The following SH3BP5 variants were observed in gnomAD, a reference collection of about 807,000 sequenced individuals.
The protein encoded by SH3BP5 is SH3 domain binding protein 5.
A neutral mutation model predicts 43.3 loss-of-function variants in SH3BP5; 22 were observed. That is an observed-to-expected ratio of 0.51 (90% CI 0.36 to 0.73). The LOEUF (loss-of-function observed/expected upper bound fraction) is 0.73, where lower values mean the gene tolerates loss of function less well. Ranked by LOEUF, SH3BP5 falls within the 30% of genes least tolerant of loss-of-function variation. The probability of loss-of-function intolerance (pLI) is 0.00; values close to 1 mark genes in which losing one functional copy is unlikely to be tolerated. For synonymous variants in SH3BP5, 255 were observed against 225.8 expected (o/e 1.13, Z -1.16); for missense variants, 529 against 586.9 (o/e 0.90, Z 1.02).
intron 8 of SH3BP5, 113 bp from the exon 9 acceptor site, chr3:15,256,416 C>T (rs933139280): frequency 3.2e-5 from 37 of 1,165,610 alleles, no homozygotes; most frequent in Non-Finnish European, 4.4e-5. Flanking sequence ...CACTTGAGCT[C>T]AAACCAGTCA....
At chr3:15,317,899 TCCC>T (rs1444370131) in intron 2 of SH3BP5, among the ~76,000 whole-genome samples, 1 of 152,176 alleles carries the variant, frequency 6.6e-6, no homozygotes, top group Non-Finnish European at 1.5e-5. Flanking sequence ...GAAAACCTGG[TCCC>T]CCAAGTCCTA....
chr3:15,269,226 C>T (rs976317918), intron 4 of SH3BP5, among the ~76,000 whole-genome samples: 13 of 152,120 alleles, frequency 8.5e-5, no homozygotes, highest in African/African-American at 2.9e-4. Context: ...CCCTGAATCC[C>T]AGCCCAGAAG....
At chr3:15,292,422 G>A (rs77033799) in intron 3 of SH3BP5, among the ~76,000 whole-genome samples, 3,725 of 152,270 alleles carry the variant, frequency 0.024, 124 homozygotes, top group African/African-American at 0.077. Flanking sequence ...CAACTAACAA[G>A]GTGATGGAGG....
intron 2 of SH3BP5, among the ~76,000 whole-genome samples, chr3:15,306,675 TTA>T: frequency 1.3e-5 from 2 of 151,968 alleles, no homozygotes; most frequent in Admixed American, 1.3e-4. Flanking sequence ...CAGAAAAATT[TTA>T]TGTTATTTTG....
In SH3BP5 at chr3:15,259,774, T is replaced by G; in HGVS notation, c.656A>C (p.Tyr219Ser). ...KPYFELKAKY[Y>S]VQLEQLKKTV... ...AGCTACACATACCTCGAGCTGCACATAGTACTTTGCCTTGAGTTCAAAATA... is the reference window on the plus strand; with the variant it reads ...AGCTACACATACCTCGAGCTGCACAGAGTACTTTGCCTTGAGTTCAAAATA... Residue 219 changes from tyrosine to serine, a missense_variant, in exon 6 of 9, where the codon TAT becomes TCT. This residue lies in a region of SH3BP5 where 369 missense variants were observed against 384.3 expected (regional missense o/e 0.96). Coordinates refer to ENST00000383791, the MANE Select transcript of SH3BP5 (RefSeq NM_004844.5). The G allele has an allele frequency of 6.2e-7, 1 of 1,614,076 alleles. No homozygotes were observed.
chr3:15,260,965 G>T (rs558033677), intron 5 of SH3BP5, among the ~76,000 whole-genome samples: 1 of 152,140 alleles, frequency 6.6e-6, no homozygotes, highest in Non-Finnish European at 1.5e-5. Context: ...GTGTGAATTC[G>T]GGGTCTTTTG....
intron 3 of SH3BP5, among the ~76,000 whole-genome samples, chr3:15,302,248 G>T (rs1431642754): frequency 6.6e-6 from 1 of 152,134 alleles, no homozygotes; most frequent in East Asian, 1.9e-4. Flanking sequence ...AATGCCTCAG[G>T]GTGCTGGAAT....
intron 3 of SH3BP5, among the ~76,000 whole-genome samples, chr3:15,281,015 C>T (rs1697113903): frequency 6.6e-6 from 1 of 152,156 alleles, no homozygotes; most frequent in African/African-American, 2.4e-5. Context: ...ATATTGCACG[C>T]CGGGAAAGTC....
chr3:15,297,615 G>T (rs760697202), intron 3 of SH3BP5, among the ~76,000 whole-genome samples: 1 of 152,072 alleles, frequency 6.6e-6, no homozygotes, highest in Non-Finnish European at 1.5e-5. Context: ...ACTTTAGCCC[G>T]TAAGATGTTA....
chr3:15,331,961 GC>G (rs915949237), intron 1 of SH3BP5: 45 of 302,432 alleles, frequency 1.5e-4, no homozygotes, highest in African/African-American at 9.5e-4. Flanking sequence ...ATACCATGGC[GC>G]CCCCGCCCCC....
chr3:15,266,158 T>C (rs918903796), intron 4 of SH3BP5, among the ~76,000 whole-genome samples: 1 of 152,266 alleles, frequency 6.6e-6, no homozygotes, highest in Admixed American at 6.5e-5. Context: ...TCTCACTGTC[T>C]GCTGAGAACC....
At chr3:15,282,625 TA>T (rs1697161434) in intron 3 of SH3BP5, among the ~76,000 whole-genome samples, 1 of 151,360 alleles carries the variant, frequency 6.6e-6, no homozygotes, top group Non-Finnish European at 1.5e-5. Context: ...CCAATCACAA[TA>T]AAACTTTTTT....
chr3:15,332,664 G>A (rs1334458691), upstream of SH3BP5: 3 of 1,145,112 alleles, frequency 2.6e-6, no homozygotes, highest in East Asian at 4.3e-5. Context: ...CCCCGGCCTC[G>A]CGTTCCGCCG....
chr3:15,265,287 G>A (rs1010145175), intron 4 of SH3BP5, among the ~76,000 whole-genome samples: 4 of 152,128 alleles, frequency 2.6e-5, no homozygotes, highest in Admixed American at 6.5e-5. Context: ...AGGCCAAGGC[G>A]GGCAGATCAC....
chr3:15,261,331 T>TG (rs1315992046), intron 5 of SH3BP5, among the ~76,000 whole-genome samples: 2 of 152,136 alleles, frequency 1.3e-5, no homozygotes, highest in Non-Finnish European at 2.9e-5. Flanking sequence ...GTGAAGGTAC[T>TG]GGGGGGTAGT....
At chr3:15,292,865 G>A (rs1697452441) in intron 3 of SH3BP5, among the ~76,000 whole-genome samples, 1 of 152,058 alleles carries the variant, frequency 6.6e-6, no homozygotes, top group African/African-American at 2.4e-5. Flanking sequence ...AAAAAGAAAA[G>A]AAAACCTCAA....
chr3:15,269,427 A>T (rs905971712), intron 4 of SH3BP5, among the ~76,000 whole-genome samples: 1 of 152,150 alleles, frequency 6.6e-6, no homozygotes, highest in South Asian at 2.1e-4. Context: ...TCCCTCTGGA[A>T]GCCTGAGTCC....
intron 2 of SH3BP5, among the ~76,000 whole-genome samples, chr3:15,326,241 C>T (rs770914801): frequency 6.6e-6 from 1 of 152,138 alleles, no homozygotes; most frequent in Non-Finnish European, 1.5e-5. Context: ...AGACAGACAT[C>T]CAAGTGACAC....
chr3:15,310,872 T>G (rs979594703), intron 2 of SH3BP5, among the ~76,000 whole-genome samples: 1 of 152,138 alleles, frequency 6.6e-6, no homozygotes, highest in Non-Finnish European at 1.5e-5. Context: ...ACAAACAGCC[T>G]TGTGTCAGAT....
Sources: allele counts gnomAD v4.1 joint callset (sites outside exome capture counted in the v4.1 genomes callset), GRCh38; gene constraint gnomAD v4.1.1; regional missense constraint gnomAD v4.1.1; transcripts MANE v1.5; gene names NCBI Gene and HGNC (gene_info 2026-07-23, HGNC 2026-07-21).